The following PAX8 variants were observed in gnomAD, a reference collection of about 807,000 sequenced individuals.
PAX8 encodes paired box 8, also known as paired box protein Pax-8.
In PAX8, 15 loss-of-function variants were observed where a neutral mutation model predicts 52.4. That is an observed-to-expected ratio of 0.29 (90% CI 0.19 to 0.44). PAX8 has a LOEUF of 0.44. PAX8 is among the 20% of genes least tolerant of loss of function. The pLI is 1.00. For synonymous variants in PAX8, 284 were observed against 249.7 expected (o/e 1.14, Z -1.29); for missense variants, 554 against 602.5 (o/e 0.92, Z 0.84).
intron 7 of PAX8, chr2:113,237,784 T>TA (rs1690489617): frequency 6.6e-6 from 1 of 152,216 alleles, no homozygotes; most frequent in Non-Finnish European, 1.5e-5. Flanking sequence ...ACTCGTCACA[T>TA]ACCTGCTACG....
chr2:113,274,866 A>C (rs1488267640), intron 2 of PAX8: 3 of 152,232 alleles, frequency 2.0e-5, no homozygotes, highest in Non-Finnish European at 4.4e-5. Context: ...AAGCATATAA[A>C]GGGCCGTTGA....
chr2:113,244,701 C>T, intron 3 of PAX8, 77 bp from the exon 4 acceptor site: 3 of 1,362,454 alleles, frequency 2.2e-6, no homozygotes, highest in Admixed American at 3.4e-5. Flanking sequence ...CCAGAGCCTC[C>T]CTCCTCTCTG....
intron 9 of PAX8, among the ~76,000 whole-genome samples, chr2:113,231,947 C>T (rs555957584): frequency 3.9e-5 from 6 of 152,268 alleles, no homozygotes; most frequent in South Asian, 4.1e-4. Flanking sequence ...AGGCTGGTCT[C>T]GAACTCCCGA....
intron 2 of PAX8, among the ~76,000 whole-genome samples, chr2:113,253,481 C>T (rs1205354142): frequency 6.6e-6 from 1 of 152,248 alleles, no homozygotes. Context: ...GCCCCTTCCA[C>T]TCAACCTCCT....
rs770776654 is a variant in PAX8, at chr2:113,278,436, C to T, written c.-42G>A. The T allele has an allele frequency of 1.2e-6, 2 of 1,609,528 alleles. No individual in the cohort carries two copies. Among genetic ancestry groups the T allele is most frequent in the Admixed American group, 3.3e-5 (2 of 59,952 alleles). On this transcript the variant is annotated 5_prime_UTR_variant, in exon 2 of 12. Transcript: ENST00000429538. ...GCAGCCCGCCGAGGGCTCGGGGCTT[C>T]CTCCCGTAGGTCCGGGCCGCGCCTG...
At position 113,216,057 on chromosome 2, in the gene PAX8, CG is replaced by C; in HGVS notation, c.*2475del. 1 of 222,228 alleles carries C rather than the reference CG, an allele frequency of 4.5e-6. No individual in the cohort carries two copies. Among genetic ancestry groups the C allele is most frequent in the Non-Finnish European group, 9.0e-6 (1 of 111,162 alleles). The allele number at this position is 222,228 out of a possible 1,614,324, so 13.8% of individuals were successfully genotyped here. ...TGGTTGTGAGTTGGAAAGGGTCTGC[CG>C]GGGGTACAGAGTGTCCCCAGAGGGG... On this transcript the variant is annotated 3_prime_UTR_variant, in exon 12 of 12. Coordinates refer to ENST00000429538, the MANE Select transcript of PAX8 (RefSeq NM_003466.4).
chr2:113,236,893 C>G (rs887816679), intron 7 of PAX8, 172 bp from the exon 8 acceptor site: 11 of 725,298 alleles, frequency 1.5e-5, no homozygotes, highest in Non-Finnish European at 2.2e-5. Flanking sequence ...CGTTCATGCT[C>G]ATTGTCCTCC....
intron 2 of PAX8, chr2:113,267,738 T>G (rs193280432): frequency 6.6e-5 from 10 of 152,364 alleles, no homozygotes; most frequent in Admixed American, 1.3e-4. Flanking sequence ...AAGCAGGGCC[T>G]TCTCTGGTCT....
rs1280244773 is a variant in PAX8 at position 113,236,510 on chromosome 2, C to CTTCCGCCTG, written c.898+90_898+91insCAGGCGGAA. ...GCCGGCACAGCCCGCCTCTCCTCTC[C>CTTCCGCCTG]AGGCCAGGGCCCCACACCTTCCGCC... is the stretch of plus-strand genomic sequence containing the variant. On this transcript the variant is annotated intron_variant, in intron 8 of 11. Transcript: ENST00000429538. The CTTCCGCCTG allele has an allele frequency of 2.1e-6, 3 of 1,435,318 alleles. No individual in the cohort carries two copies. The African/African-American group carries it at 4.3e-5, about 20-fold the overall frequency. The allele number at this position is 1,435,318 out of a possible 1,614,324, so 88.9% of individuals were successfully genotyped here.
intron 9 of PAX8, 36 bp from the exon 10 acceptor site, chr2:113,227,292 A>G: frequency 5.9e-6 from 9 of 1,513,770 alleles, no homozygotes; most frequent in Non-Finnish European, 7.2e-6. Flanking sequence ...CAGTTGGACC[A>G]TGGGGGCTCC....
chr2:113,239,098 C>T (rs1428766385), intron 7 of PAX8: 9 of 148,574 alleles, frequency 6.1e-5, no homozygotes, highest in Non-Finnish European at 3.0e-5. Flanking sequence ...GATGGAGCCT[C>T]GCTCTGTCAC....
At chr2:113,254,271 A>C (rs1367299327) in intron 2 of PAX8, among the ~76,000 whole-genome samples, 2 of 152,232 alleles carry the variant, frequency 1.3e-5, no homozygotes, top group African/African-American at 4.8e-5. Flanking sequence ...TTCTACCTTC[A>C]TGAAGCTTTC....
At chr2:113,246,716 C>T in intron 3 of PAX8, 38 bp downstream of exon 3, 2 of 1,605,416 alleles carry the variant, frequency 1.2e-6, no homozygotes, top group Non-Finnish European at 1.7e-6. Context: ...AAGTCAAGCC[C>T]TGCGGGGAAG....
At chr2:113,243,752 C>T (rs887898814) in intron 4 of PAX8, among the ~76,000 whole-genome samples, 2 of 152,246 alleles carry the variant, frequency 1.3e-5, no homozygotes, top group Non-Finnish European at 2.9e-5. Context: ...TGTCTGAGCT[C>T]TTTTCACCTA....
At chr2:113,267,264 CCTGCCGCTACTG>C (rs1489963146) in intron 2 of PAX8, 2 of 152,358 alleles carry the variant, frequency 1.3e-5, no homozygotes, top group African/African-American at 4.8e-5. Context: ...GTGGATGAGT[CCTGCCGCTACTG>C]CTGCTGCCCA....
chr2:113,236,331 C>G (rs1326737260), intron 8 of PAX8: 5 of 285,462 alleles, frequency 1.8e-5, no homozygotes, highest in Non-Finnish European at 3.1e-5. Context: ...AGGCGCGACC[C>G]CTCGGCCCAC....
At chr2:113,225,392 A>C (rs1689502977) in intron 10 of PAX8, among the ~76,000 whole-genome samples, 1 of 152,238 alleles carries the variant, frequency 6.6e-6, no homozygotes, top group Admixed American at 6.5e-5. Context: ...AGACGGACAT[A>C]GAATTTTTCC....
At chr2:113,271,176 C>T (rs1693437281) in intron 2 of PAX8, 1 of 152,254 alleles carries the variant, frequency 6.6e-6, no homozygotes, top group African/African-American at 2.4e-5. Context: ...CCTAGCTATG[C>T]TGCCTGTGGA....
intron 2 of PAX8, 110 bp from the exon 3 acceptor site, chr2:113,247,029 A>G: frequency 9.4e-7 from 1 of 1,067,362 alleles, no homozygotes. Flanking sequence ...GACTGTGACC[A>G]TGAAATCCCA....
Sources: gnomAD v4.1 joint callset for allele counts (sites outside exome capture counted in the v4.1 genomes callset) on GRCh38, gnomAD v4.1.1 for gene constraint, MANE v1.5 for transcripts, NCBI Gene and HGNC (gene_info 2026-07-23, HGNC 2026-07-21) for gene names.